Variants in CCDC63 observed in about 807,000 individuals in gnomAD.
CCDC63 encodes the protein coiled-coil domain containing 63, also known as coiled-coil domain-containing protein 63.
CCDC63 carries 54 observed loss-of-function variants against 63.6 expected under a neutral mutation model. The observed-to-expected ratio is 0.85, with a 90% CI of 0.68 to 1.07. The LOEUF is 1.07. Ranked by LOEUF, CCDC63 falls within the 50% of genes least tolerant of loss-of-function variation. The probability of loss-of-function intolerance (pLI) is 0.00; values close to 1 mark genes in which losing one functional copy is unlikely to be tolerated. For synonymous variants in CCDC63, 253 were observed against 266.1 expected, an observed-to-expected ratio of 0.95 and a Z score of 0.48; for missense variants, 637 against 689.6, an observed-to-expected ratio of 0.92 and a Z score of 0.86.
intron 8 of CCDC63, among the ~76,000 whole-genome samples, chr12:110,887,764 A>G (rs1479838716): frequency 6.6e-6 from 1 of 151,412 alleles, no homozygotes; most frequent in Non-Finnish European, 1.5e-5. Flanking sequence ...ACGCCCAGCT[A>G]ATTTTTGTAT....
intron 4 of CCDC63, among the ~76,000 whole-genome samples, chr12:110,867,871 T>C (rs1051310782): frequency 0.042 from 4,172 of 99,664 alleles, no homozygotes; most frequent in Middle Eastern, 0.088. Flanking sequence ...GGCTGCCAGG[T>C]GGAGACGCTC....
At chr12:110,879,097 A>G (rs185394863) in intron 5 of CCDC63, among the ~76,000 whole-genome samples, 36 of 152,334 alleles carry the variant, frequency 2.4e-4, no homozygotes, top group African/African-American at 8.7e-4. Context: ...TTAAAATTAA[A>G]CTTTTTCTTT....
intron 7 of CCDC63, 105 bp downstream of exon 7, chr12:110,881,401 C>G (rs1046617224): frequency 2.6e-6 from 3 of 1,133,712 alleles, no homozygotes; most frequent in Non-Finnish European, 3.7e-6. Flanking sequence ...TTGTGGTTGT[C>G]AAATTTAGCA....
At chr12:110,850,385 A>G (rs1173749756) in intron 1 of CCDC63, among the ~76,000 whole-genome samples, 1 of 152,228 alleles carries the variant, frequency 6.6e-6, no homozygotes, top group Non-Finnish European at 1.5e-5. Context: ...CATGGAGGGA[A>G]GCGACTGTTG....
intron 8 of CCDC63, among the ~76,000 whole-genome samples, chr12:110,892,603 A>T (rs1468194243): frequency 6.6e-6 from 1 of 152,090 alleles, no homozygotes; most frequent in Non-Finnish European, 1.5e-5. Flanking sequence ...GGATCGCCTG[A>T]GGTCAGGAGT....
intron 10 of CCDC63, 66 bp from the exon 11 acceptor site, chr12:110,904,522 C>T: frequency 7.0e-7 from 1 of 1,431,230 alleles, no homozygotes. Flanking sequence ...AGTGGTGGCA[C>T]CACCCACAGT....
chr12:110,901,755 A>G (rs1405272026), intron 10 of CCDC63, among the ~76,000 whole-genome samples: 1 of 152,148 alleles, frequency 6.6e-6, no homozygotes, highest in Admixed American at 6.5e-5. Flanking sequence ...TGCAAATGAC[A>G]GGATCTCATT....
chr12:110,900,626 G>A (rs138166209), intron 10 of CCDC63, among the ~76,000 whole-genome samples: 14 of 148,632 alleles, frequency 9.4e-5, no homozygotes, highest in Admixed American at 8.1e-4. Flanking sequence ...TCGAGATGGA[G>A]TCTCACTCTG....
At chr12:110,897,717 C>T (rs1308278123) in intron 9 of CCDC63, among the ~76,000 whole-genome samples, 1 of 149,856 alleles carries the variant, frequency 6.7e-6, no homozygotes, top group Non-Finnish European at 1.5e-5. Context: ...TGTATTTCTT[C>T]CTGTGGACCA....
intron 4 of CCDC63, among the ~76,000 whole-genome samples, chr12:110,870,571 G>A (rs1275565981): frequency 1.3e-5 from 2 of 152,146 alleles, no homozygotes; most frequent in African/African-American, 4.8e-5. Context: ...TGCACCCCAA[G>A]AGGATGCATC....
At chr12:110,879,052 G>C (rs1038806758) in intron 5 of CCDC63, among the ~76,000 whole-genome samples, 1 of 152,058 alleles carries the variant, frequency 6.6e-6, no homozygotes, top group Non-Finnish European at 1.5e-5. Flanking sequence ...CAAGTGTCAC[G>C]ACATTTCACC....
intron 9 of CCDC63, among the ~76,000 whole-genome samples, chr12:110,895,744 A>G (rs1405090216): frequency 6.6e-6 from 1 of 152,212 alleles, no homozygotes. Flanking sequence ...ATAAAATCAC[A>G]CATGTATACA....
Position 110,853,504 on chromosome 12 carries a change from C to T in CCDC63, c.109C>T (p.Gln37Ter). The part of the protein sequence containing the change: ...AEAELRKLRQ[Q>*]FRKMVESRKS... ...GGCAGAGCTCCGGAAGCTAAGGCAGCAGTTCAGGAAGATGGTGGAAAGCCG... is the reference window on the plus strand; with the variant it reads ...GGCAGAGCTCCGGAAGCTAAGGCAGTAGTTCAGGAAGATGGTGGAAAGCCG... The change falls in exon 3 of 12, where the codon CAG (glutamine) becomes TAG (stop). Residue 37 changes from glutamine to a stop codon, truncating the protein, a stop_gained. Transcript: ENST00000308208. LOFTEE classifies it high-confidence loss of function. 6.2e-7 allele frequency: 1 copy of T among 1,614,220 alleles called. No individual in the cohort carries two copies. The highest frequency in any genetic ancestry group is 8.5e-7 in the Non-Finnish European group (1 of 1,180,050).
intron 4 of CCDC63, among the ~76,000 whole-genome samples, chr12:110,862,667 C>G (rs1187085577): frequency 6.6e-6 from 1 of 152,184 alleles, no homozygotes; most frequent in Non-Finnish European, 1.5e-5. Flanking sequence ...TGGGGGCGGG[C>G]CTGCCTTCAG....
chr12:110,867,487 C>A (rs1182779944), intron 4 of CCDC63, among the ~76,000 whole-genome samples: 1 of 103,772 alleles, frequency 9.6e-6, no homozygotes, highest in African/African-American at 4.1e-5. Flanking sequence ...GGCAGAGGCG[C>A]CCCTCACCTC....
At chr12:110,874,180 C>T (rs2071102492) in intron 5 of CCDC63, among the ~76,000 whole-genome samples, 1 of 151,814 alleles carries the variant, frequency 6.6e-6, no homozygotes, top group Admixed American at 6.6e-5. Flanking sequence ...ATCCCCCAAC[C>T]TATCTGGGAT....
Position 110,884,196 on chromosome 12 carries a change from C to T in CCDC63, c.1020C>T (p.Val340=). Residue 340 remains valine (V), a synonymous_variant, in exon 8 of 12, where the codon GTC becomes GTT. Transcript: ENST00000308208. ...EEKNFARFTY[V]TELNNDMEMM... ...AGAATTTTGCTCGGTTCACGTATGT[C>T]ACGGAGCTCAACAACGACATGGAGA... 2.8e-5 allele frequency: 45 copies of T among 1,614,080 alleles called. No homozygotes were observed. The highest frequency in any genetic ancestry group is 3.8e-5 in the Non-Finnish European group (45 of 1,180,004).
At chr12:110,879,805 A>G (rs1247791233) in intron 5 of CCDC63, 101 bp from the exon 6 acceptor site, 12 of 1,125,482 alleles carry the variant, frequency 1.1e-5, no homozygotes, top group African/African-American at 4.6e-5. Flanking sequence ...GCCCTTGCGT[A>G]TGAGGTGGGG....
chr12:110,866,471 C>G (rs573470605), intron 4 of CCDC63, among the ~76,000 whole-genome samples: 720 of 140,778 alleles, frequency 5.1e-3, no homozygotes, highest in Non-Finnish European at 7.5e-3. Context: ...TGCGGCCTTC[C>G]GCAGTGTTTG....
Sources: gnomAD v4.1 joint callset for allele counts (sites outside exome capture counted in the v4.1 genomes callset) on GRCh38, gnomAD v4.1.1 for gene constraint, MANE v1.5 for transcripts, NCBI Gene and HGNC (gene_info 2026-07-23, HGNC 2026-07-21) for gene names.